Variants in MED12L observed in about 807,000 individuals in gnomAD.
MED12L encodes mediator complex subunit 12L.
A neutral mutation model predicts 281.3 loss-of-function variants in MED12L; 60 were observed. The observed-to-expected ratio is 0.21, with a 90% CI of 0.17 to 0.26. The LOEUF is 0.26. MED12L is among the 10% of genes least tolerant of loss of function. The probability of loss-of-function intolerance (pLI) is 1.00; values close to 1 mark genes in which losing one functional copy is unlikely to be tolerated. For synonymous variants in MED12L, 974 were observed against 987.2 expected, an observed-to-expected ratio of 0.99 and a Z score of 0.25; for missense variants, 2,146 against 2,680.9, an observed-to-expected ratio of 0.80 and a Z score of 4.41.
At chr3:151,185,979 TA>T (rs1235119090) in intron 12 of MED12L, among the ~76,000 whole-genome samples, 1 of 152,218 alleles carries the variant, frequency 6.6e-6, no homozygotes, top group Non-Finnish European at 1.5e-5. Context: ...CACATGTGTA[TA>T]AGATATACCA....
chr3:151,247,248 C>G (rs1380638845), intron 16 of MED12L, among the ~76,000 whole-genome samples: 3 of 152,060 alleles, frequency 2.0e-5, no homozygotes, highest in Non-Finnish European at 2.9e-5. Context: ...TTTGACCCAG[C>G]CATCCCATTA....
intron 16 of MED12L, chr3:151,316,749 A>G (rs925258129): frequency 2.6e-5 from 4 of 152,214 alleles, no homozygotes; most frequent in Non-Finnish European, 5.9e-5. Flanking sequence ...CAGACAAGGT[A>G]GGTATCTCCC....
chr3:151,330,194 G>T (rs920296256), intron 16 of MED12L, among the ~76,000 whole-genome samples: 12 of 152,148 alleles, frequency 7.9e-5, no homozygotes, highest in African/African-American at 2.9e-4. Flanking sequence ...GAATGAATTG[G>T]TTGCCTGGAA....
intron 16 of MED12L, among the ~76,000 whole-genome samples, chr3:151,317,827 A>G (rs1748480902): frequency 6.6e-6 from 1 of 152,132 alleles, no homozygotes. Flanking sequence ...TGAATGCAAC[A>G]TTTAAATACA....
intron 20 of MED12L, among the ~76,000 whole-genome samples, chr3:151,358,750 T>C (rs1297009827): frequency 2.0e-5 from 3 of 152,170 alleles, no homozygotes; most frequent in Non-Finnish European, 4.4e-5. Flanking sequence ...TTTCACTTCT[T>C]CGTACTTATG....
chr3:151,195,865 A>G (rs542198553), intron 16 of MED12L, among the ~76,000 whole-genome samples: 2 of 152,358 alleles, frequency 1.3e-5, no homozygotes, highest in East Asian at 3.9e-4. Flanking sequence ...TTCTCTGTAA[A>G]TCGGAAATTA....
intron 16 of MED12L, among the ~76,000 whole-genome samples, chr3:151,281,050 A>T (rs1742718117): frequency 6.6e-6 from 1 of 150,706 alleles, no homozygotes; most frequent in Non-Finnish European, 1.5e-5. Flanking sequence ...TTGAAAAAAT[A>T]TTTTAGCCTG....
At chr3:151,409,511 G>C (rs1716721789) in intron 40 of MED12L, among the ~76,000 whole-genome samples, 179 bp downstream of exon 40, 1 of 152,202 alleles carries the variant, frequency 6.6e-6, no homozygotes, top group African/African-American at 2.4e-5. Flanking sequence ...GAAGTCTTAG[G>C]ATTGATTAAG....
intron 16 of MED12L, among the ~76,000 whole-genome samples, chr3:151,333,214 CA>C (rs2149893076): frequency 6.6e-6 from 1 of 152,324 alleles, no homozygotes; most frequent in South Asian, 2.1e-4. Context: ...CACACACATG[CA>C]TGTGTCTCTA....
intron 27 of MED12L, among the ~76,000 whole-genome samples, chr3:151,374,220 G>A (rs1756539890): frequency 7.2e-6 from 1 of 138,644 alleles, no homozygotes; most frequent in Non-Finnish European, 1.5e-5. Context: ...CCAGCGCTTT[G>A]TCAAAAAATG....
chr3:151,285,203 G>A (rs1455287142), intron 16 of MED12L, among the ~76,000 whole-genome samples: 3 of 152,174 alleles, frequency 2.0e-5, no homozygotes, highest in Admixed American at 2.0e-4. Flanking sequence ...ACAGTGGACT[G>A]GCCGGACGTG....
intron 16 of MED12L, among the ~76,000 whole-genome samples, chr3:151,334,404 T>C (rs996829230): frequency 6.6e-6 from 1 of 151,796 alleles, no homozygotes; most frequent in Non-Finnish European, 1.5e-5. Context: ...TTGAAACACC[T>C]AGGTACAAAA....
chr3:151,340,902 A>G (rs1751733347), intron 16 of MED12L: 1 of 152,222 alleles, frequency 6.6e-6, no homozygotes, highest in African/African-American at 2.4e-5. Flanking sequence ...GAAATGTGGG[A>G]TGAGGATGGC....
intron 16 of MED12L, among the ~76,000 whole-genome samples, chr3:151,283,339 C>T (rs1743056119): frequency 6.6e-6 from 1 of 152,184 alleles, no homozygotes; most frequent in South Asian, 2.1e-4. Flanking sequence ...GACTGAATCT[C>T]GACTGATGTT....
chr3:151,176,033 T>C (rs938822864), intron 11 of MED12L, among the ~76,000 whole-genome samples: 1 of 152,180 alleles, frequency 6.6e-6, no homozygotes, highest in African/African-American at 2.4e-5. Context: ...TTGTTATATA[T>C]ATAATACAGG....
At chr3:151,107,562 T>C (rs902658539) in intron 2 of MED12L, among the ~76,000 whole-genome samples, 2 of 152,150 alleles carry the variant, frequency 1.3e-5, no homozygotes, top group Non-Finnish European at 2.9e-5. Flanking sequence ...AAATATTTCA[T>C]AATAATGTAT....
chr3:151,141,287 G>A (rs1187169257), intron 5 of MED12L, among the ~76,000 whole-genome samples: 1 of 150,808 alleles, frequency 6.6e-6, no homozygotes, highest in Non-Finnish European at 1.5e-5. Context: ...CTCCAAAAGT[G>A]CTGGGATTAC....
At chr3:151,135,552 C>T (rs553486535) in intron 5 of MED12L, among the ~76,000 whole-genome samples, 8 of 152,342 alleles carry the variant, frequency 5.3e-5, no homozygotes, top group Non-Finnish European at 1.2e-4. Flanking sequence ...GGACCTGAGT[C>T]TCAGAGAAGT....
Position 151,263,371 on chromosome 3 carries a change from G to C in MED12L, c.2250+69705G>C, listed in dbSNP as rs149594261. ...AACATTGCATTATTACAAACATGTG[G>C]AACCAGAAGGAAATGTACAAATGTG... On this transcript the variant is annotated intron_variant, in intron 16 of 44. Transcript: ENST00000687756. 7.8e-4 allele frequency among the ~76,000 whole-genome samples: 119 copies of C among 152,298 alleles called. 1 individual carries two copies. The Middle Eastern group carries it at 0.014, about 17-fold the overall frequency.
Sources: allele counts gnomAD v4.1 joint callset (sites outside exome capture counted in the v4.1 genomes callset), GRCh38; gene constraint gnomAD v4.1.1; transcripts MANE v1.5; gene names NCBI Gene and HGNC (gene_info 2026-07-23, HGNC 2026-07-21).